STK3: variants seen among roughly 807,000 people sequenced by gnomAD.
STK3 encodes the protein serine/threonine kinase 3.
In STK3, 41 loss-of-function variants were observed where a neutral mutation model predicts 58.0. That is an observed-to-expected ratio of 0.71 (90% CI 0.55 to 0.92). The LOEUF is 0.92. STK3 is among the 40% of genes least tolerant of loss of function. The pLI, the probability that STK3 is intolerant of heterozygous loss-of-function variation, is 0.00. For synonymous variants in STK3, 170 were observed against 191.0 expected (o/e 0.89, Z 0.91); for missense variants, 479 against 602.7 (o/e 0.79, Z 2.15).
At chr8:98,923,835 G>C (rs1839665716) in intron 1 of STK3, among the ~76,000 whole-genome samples, 2 of 116,564 alleles carry the variant, frequency 1.7e-5, no homozygotes, top group African/African-American at 7.2e-5. Context: ...AAACGTGTGT[G>C]TGTGTGTGTG....
chr8:98,539,993 A>T (rs1810103633), intron 9 of STK3, among the ~76,000 whole-genome samples: 1 of 152,124 alleles, frequency 6.6e-6, no homozygotes, highest in South Asian at 2.1e-4. Context: ...ACCTTAGGTG[A>T]TCCCCCTGCC....
chr8:98,545,379 G>A (rs1299892585), intron 9 of STK3, among the ~76,000 whole-genome samples: 1 of 152,198 alleles, frequency 6.6e-6, no homozygotes, highest in East Asian at 1.9e-4. Context: ...AAGACTGGGA[G>A]CGGGAGGGTA....
At chr8:98,546,261 C>T (rs887189923) in intron 9 of STK3, among the ~76,000 whole-genome samples, 1 of 152,062 alleles carries the variant, frequency 6.6e-6, no homozygotes, top group Non-Finnish European at 1.5e-5. Context: ...AGTCACTATA[C>T]AAAATGTCAG....
chr8:98,350,271 C>T, the STK3 span, among the ~76,000 whole-genome samples: 5 of 152,182 alleles, frequency 3.3e-5, no homozygotes, highest in African/African-American at 9.7e-5. Flanking sequence ...ACAAGAGTCA[C>T]CTTTGCTCCA....
At chr8:98,628,861 G>A (rs1008448826) in intron 6 of STK3, among the ~76,000 whole-genome samples, 7 of 147,012 alleles carry the variant, frequency 4.8e-5, no homozygotes, top group Admixed American at 2.0e-4. Context: ...CCTATAAATG[G>A]AAGACAGTGA....
At chr8:98,532,708 T>G (rs558942046) in intron 9 of STK3, among the ~76,000 whole-genome samples, 6 of 152,234 alleles carry the variant, frequency 3.9e-5, no homozygotes, top group African/African-American at 1.4e-4. Context: ...GAATTTTAGG[T>G]TATATGTATT....
chr8:98,359,387 C>A, the STK3 span, among the ~76,000 whole-genome samples: 1 of 136,438 alleles, frequency 7.3e-6, no homozygotes, highest in Admixed American at 7.5e-5. Context: ...GCCTGGTGTA[C>A]TGGTGGGCGC....
intron 4 of STK3, among the ~76,000 whole-genome samples, chr8:98,743,527 G>A (rs1038210922): frequency 6.6e-6 from 1 of 152,140 alleles, no homozygotes; most frequent in Non-Finnish European, 1.5e-5. Flanking sequence ...AAACTGGCTA[G>A]CGACATGTAG....
intron 4 of STK3, among the ~76,000 whole-genome samples, chr8:98,727,885 AACTCAC>A (rs1413389176): frequency 6.6e-6 from 1 of 152,180 alleles, no homozygotes; most frequent in East Asian, 1.9e-4. Context: ...TGGCATAATC[AACTCAC>A]ACAATAGTTA....
At chr8:98,598,755 T>C (rs1377244271) in intron 6 of STK3, 2 of 985,418 alleles carry the variant, frequency 2.0e-6, no homozygotes, top group South Asian at 4.7e-5. Context: ...TAACACCATT[T>C]TGATTGAAGA....
intron 6 of STK3, among the ~76,000 whole-genome samples, chr8:98,622,631 T>C (rs1818417003): frequency 6.6e-6 from 1 of 152,226 alleles, no homozygotes; most frequent in Non-Finnish European, 1.5e-5. Context: ...TTCTGTAACT[T>C]GGCAGAGAAT....
At chr8:98,625,166 G>C (rs1210911414) in intron 6 of STK3, among the ~76,000 whole-genome samples, 6 of 152,036 alleles carry the variant, frequency 3.9e-5, no homozygotes, top group Non-Finnish European at 8.8e-5. Context: ...CTTGTCATTA[G>C]CTAGCAGTGT....
intron 3 of STK3, among the ~76,000 whole-genome samples, chr8:98,876,944 T>G (rs1837580293): frequency 6.6e-6 from 1 of 152,216 alleles, no homozygotes; most frequent in Non-Finnish European, 1.5e-5. Flanking sequence ...GCCAACTCCT[T>G]GCAGAAAAGA....
chr8:98,937,805 A>G lies in STK3; in HGVS notation c.-79+4573T>C, dbSNP rs145036063. 3.8e-3 allele frequency among the ~76,000 whole-genome samples: 576 copies of G among 152,256 alleles called. 1 individual carries two copies. Among genetic ancestry groups the G allele is most frequent in the Non-Finnish European group, 6.2e-3 (423 of 68,026 alleles). ...GCAAACAGCTACAAGGATATACTACATTTTCCTTTGTTAAAACTTGTATCT... is the reference window on the plus strand; with the variant it reads ...GCAAACAGCTACAAGGATATACTACGTTTTCCTTTGTTAAAACTTGTATCT... On this transcript the variant is annotated intron_variant, in intron 1 of 1. Transcript: ENST00000519420.
chr8:98,894,519 T>G (rs780267301), intron 1 of STK3, among the ~76,000 whole-genome samples: 3 of 152,216 alleles, frequency 2.0e-5, no homozygotes, highest in Non-Finnish European at 4.4e-5. Context: ...CCAGCATTCT[T>G]GATTCCCCCT....
chr8:98,791,187 A>C (rs1370607188), intron 1 of STK3, among the ~76,000 whole-genome samples: 3 of 152,238 alleles, frequency 2.0e-5, no homozygotes, highest in Non-Finnish European at 4.4e-5. Flanking sequence ...GACCAAGCTG[A>C]GAATCAAATC....
intron 8 of STK3, among the ~76,000 whole-genome samples, chr8:98,564,952 T>A (rs1397176508): frequency 6.6e-6 from 1 of 152,140 alleles, no homozygotes; most frequent in African/African-American, 2.4e-5. Flanking sequence ...TATAAGATAT[T>A]AATAACAGGG....
intron 10 of STK3, among the ~76,000 whole-genome samples, chr8:98,500,775 T>C (rs55793219): frequency 0.03 from 4,564 of 152,340 alleles, 105 homozygotes; most frequent in South Asian, 0.061. Flanking sequence ...TTCCATGGTG[T>C]ATACGTGCCA....
At chr8:98,372,600 T>C (rs2130990909) in intron 2 of STK3, among the ~76,000 whole-genome samples, 1 of 150,004 alleles carries the variant, frequency 6.7e-6, no homozygotes, top group Middle Eastern at 3.4e-3. Context: ...TGAGAGATAA[T>C]ACAAACAGCT....
Sources: allele counts gnomAD v4.1 joint callset (sites outside exome capture counted in the v4.1 genomes callset), GRCh38; gene constraint gnomAD v4.1.1; transcripts MANE v1.5; gene names NCBI Gene and HGNC (gene_info 2026-07-23, HGNC 2026-07-21).